The following TLK1 variants were observed in gnomAD, a reference collection of about 807,000 sequenced individuals.
TLK1 encodes tousled like kinase 1, also known as serine/threonine-protein kinase tousled-like 1.
TLK1 carries 24 observed loss-of-function variants against 105.3 expected under a neutral mutation model. The ratio of observed to expected loss-of-function variants is 0.23; its 90% CI spans 0.17 to 0.32. The LOEUF (loss-of-function observed/expected upper bound fraction) is 0.32, where lower values mean the gene tolerates loss of function less well. Ranked by LOEUF, TLK1 falls within the 10% of genes least tolerant of loss-of-function variation. The pLI, the probability that TLK1 is intolerant of heterozygous loss-of-function variation, is 1.00. For synonymous variants in TLK1, 321 were observed against 310.4 expected (o/e 1.03, Z -0.36); for missense variants, 558 against 910.5 (o/e 0.61, Z 4.98).
intron 11 of TLK1, among the ~76,000 whole-genome samples, chr2:171,032,274 T>G (rs1553607041): frequency 1.3e-5 from 2 of 152,102 alleles, no homozygotes; most frequent in Non-Finnish European, 2.9e-5. Context: ...ATAAAATGCA[T>G]CTAAATTGTA....
chr2:171,115,945 T>C (rs1355791600), intron 2 of TLK1, among the ~76,000 whole-genome samples: 1 of 152,250 alleles, frequency 6.6e-6, no homozygotes, highest in Non-Finnish European at 1.5e-5. Flanking sequence ...GTAATTCTTA[T>C]TAAAATATCT....
chr2:171,122,439 T>C (rs1302011175), intron 1 of TLK1, among the ~76,000 whole-genome samples: 1 of 152,162 alleles, frequency 6.6e-6, no homozygotes, highest in African/African-American at 2.4e-5. Flanking sequence ...TGCAAAATCA[T>C]GGGTTCCTCC....
At chr2:171,212,467 T>C (rs891088344) in intron 1 of TLK1, among the ~76,000 whole-genome samples, 9 of 152,154 alleles carry the variant, frequency 5.9e-5, no homozygotes, top group Admixed American at 5.9e-4. Context: ...TAAATAAACA[T>C]GTTCCCCCTA....
intron 1 of TLK1, among the ~76,000 whole-genome samples, chr2:171,165,918 A>T (rs1692601193): frequency 6.6e-6 from 1 of 152,192 alleles, no homozygotes; most frequent in Non-Finnish European, 1.5e-5. Flanking sequence ...CTCAAAAAAA[A>T]GAAATGAGTC....
upstream of TLK1, among the ~76,000 whole-genome samples, chr2:171,161,343 T>A (rs965610372): frequency 8.5e-5 from 13 of 152,240 alleles, no homozygotes; most frequent in East Asian, 2.1e-3. Flanking sequence ...GGGAGTTCAA[T>A]GTGATCGTTT....
intron 12 of TLK1, among the ~76,000 whole-genome samples, chr2:171,022,694 T>C (rs1325481410): frequency 6.6e-6 from 1 of 152,202 alleles, no homozygotes; most frequent in East Asian, 1.9e-4. Flanking sequence ...CCCTCTAGCA[T>C]TATAATGCTC....
chr2:171,104,316 A>C (rs1689824337), intron 2 of TLK1, among the ~76,000 whole-genome samples: 1 of 152,034 alleles, frequency 6.6e-6, no homozygotes, highest in African/African-American at 2.4e-5. Context: ...AACTAAGAAC[A>C]AACAAACAAA....
In TLK1 at chr2:170,996,749, G is replaced by A. The variant is rs764930912; in HGVS notation, c.2028C>T (p.His676=). 2.5e-6 allele frequency: 4 copies of A among 1,604,554 alleles called. No homozygotes were observed. Among genetic ancestry groups the A allele is most frequent in the South Asian group, 2.3e-5 (2 of 88,504 alleles). ...GAAGAATGTCTTGTTGAGATTGATT[G>A]TGACCAAATGGCTTAAAAAAAAAAT... ...QCLYGRKPFG[H]NQSQQDILQE... is the part of the protein sequence containing the mutation. The change falls in exon 20 of 21, where the codon CAC becomes CAT. Residue 676 remains histidine (H), a synonymous_variant. Coordinates refer to ENST00000431350, the MANE Select transcript of TLK1 (RefSeq NM_012290.5).
chr2:171,159,931 T>C, intron 1 of TLK1: 1 of 190,958 alleles, frequency 5.2e-6, no homozygotes, highest in Non-Finnish European at 1.1e-5. Flanking sequence ...GGCCAGGAGG[T>C]TAAGAGTACT....
chr2:171,113,566 C>T (rs1339415039), intron 2 of TLK1, among the ~76,000 whole-genome samples: 2 of 152,260 alleles, frequency 1.3e-5, no homozygotes, highest in South Asian at 2.1e-4. Context: ...AGCCACCACA[C>T]CCAGCCCACA....
At chr2:171,198,183 C>G (rs577974898) in intron 1 of TLK1, among the ~76,000 whole-genome samples, 18 of 151,596 alleles carry the variant, frequency 1.2e-4, no homozygotes, top group Non-Finnish European at 2.2e-4. Context: ...TAAGCAAGAA[C>G]AGAGAAAAAA....
intron 1 of TLK1, among the ~76,000 whole-genome samples, chr2:171,214,554 G>A (rs186827682): frequency 2.6e-5 from 4 of 152,234 alleles, no homozygotes; most frequent in East Asian, 3.9e-4. Flanking sequence ...CATCAGAGTC[G>A]CCTTGAGGGC....
At chr2:171,164,465 G>A (rs974889497), upstream of TLK1, among the ~76,000 whole-genome samples, 1 of 152,074 alleles carries the variant, frequency 6.6e-6, no homozygotes, top group Non-Finnish European at 1.5e-5. Context: ...ACTAGCCTGG[G>A]CGACATGATG....
chr2:171,001,236 C>T (rs1238716712), intron 18 of TLK1, among the ~76,000 whole-genome samples: 1 of 152,174 alleles, frequency 6.6e-6, no homozygotes, highest in Non-Finnish European at 1.5e-5. Flanking sequence ...TCCTCTTTAA[C>T]AGCACTGACA....
chr2:171,050,625 C>G (rs1687192589), intron 8 of TLK1, among the ~76,000 whole-genome samples: 1 of 152,178 alleles, frequency 6.6e-6, no homozygotes, highest in South Asian at 2.1e-4. Context: ...TTATAACTAA[C>G]AAAATATTTT....
intron 11 of TLK1, among the ~76,000 whole-genome samples, chr2:171,036,969 T>C (rs1328934730): frequency 6.6e-6 from 1 of 152,178 alleles, no homozygotes; most frequent in Non-Finnish European, 1.5e-5. Flanking sequence ...GGGATCAAGG[T>C]TGCTCATCAG....
intron 1 of TLK1, among the ~76,000 whole-genome samples, chr2:171,192,407 C>T (rs536756428): frequency 2.0e-5 from 3 of 152,224 alleles, no homozygotes; most frequent in South Asian, 2.1e-4. Context: ...GAGCCAGGCG[C>T]GGTGGCTCAC....
At chr2:171,117,707 G>C (rs1415677670) in intron 2 of TLK1, 32 bp downstream of exon 2, 1 of 1,521,576 alleles carries the variant, frequency 6.6e-7, no homozygotes, top group East Asian at 2.3e-5. Flanking sequence ...TAGAAAGAAA[G>C]ACTGTCAAAT....
chr2:171,046,489 T>C (rs1373324154), intron 10 of TLK1, 127 bp from the exon 11 acceptor site: 13 of 1,044,510 alleles, frequency 1.2e-5, no homozygotes, highest in African/African-American at 1.6e-5. Flanking sequence ...GGTTCCACTC[T>C]TGTGAACCAA....
Sources: gnomAD v4.1 joint callset for allele counts (sites outside exome capture counted in the v4.1 genomes callset) on GRCh38, gnomAD v4.1.1 for gene constraint, MANE v1.5 for transcripts, NCBI Gene and HGNC (gene_info 2026-07-23, HGNC 2026-07-21) for gene names.